The following FAT4 variants were observed in gnomAD, a reference collection of about 807,000 sequenced individuals.
FAT4 encodes the protein FAT atypical cadherin 4.
Under a neutral mutation model 303.9 loss-of-function variants are expected in FAT4, and 84 were observed. The ratio of observed to expected loss-of-function variants is 0.28; its 90% CI spans 0.23 to 0.33. The LOEUF (loss-of-function observed/expected upper bound fraction) is 0.33, where lower values mean the gene tolerates loss of function less well. Ranked by LOEUF, FAT4 falls within the 10% of genes least tolerant of loss-of-function variation. The pLI, the probability that FAT4 is intolerant of heterozygous loss-of-function variation, is 1.00. For synonymous variants in FAT4, 2,307 were observed against 2,298.8 expected (o/e 1.00, Z -0.10); for missense variants, 6,005 against 6,146.8 (o/e 0.98, Z 0.77).
At chr4:125,408,890 C>G (rs918251092) in intron 5 of FAT4, 96 bp downstream of exon 5, 29 of 634,474 alleles carry the variant, frequency 4.6e-5, no homozygotes, top group Non-Finnish European at 6.6e-5. Flanking sequence ...CACAAAAATG[C>G]ATTTTGTGAA....
rs11736643 is a variant in FAT4 at position 125,398,617 on chromosome 4, G to T, written c.5176-167G>T. 0.1 allele frequency among the ~76,000 whole-genome samples: 15,758 copies of T among 152,194 alleles called. 866 individuals carry two copies. Among genetic ancestry groups the T allele is most frequent in the Middle Eastern group, 0.18 (54 of 294 alleles). On this transcript the variant is annotated intron_variant, in intron 2 of 17. Coordinates refer to ENST00000394329, the MANE Select transcript of FAT4 (RefSeq NM_001291303.3). ...TTTCGACTTTATGTTTTCGTGTAAA[G>T]ATTTCACAACTTTTCCCTAGGGGTA...
chr4:125,315,855 G>A lies in FAT4; in HGVS notation c.-135G>A, dbSNP rs1487400164. 6.6e-6 allele frequency among the ~76,000 whole-genome samples: 1 copy of A among 152,192 alleles called. No homozygotes were observed. The highest frequency in any genetic ancestry group is 2.4e-5 in the African/African-American group (1 of 41,466). Reference sequence around the variant, plus strand: ...TGGTTTTTGAGGAGTGGGGACTCCAGGAATTCCATCGCCTCCAGCTTTTGG... The same window carrying A: ...TGGTTTTTGAGGAGTGGGGACTCCAAGAATTCCATCGCCTCCAGCTTTTGG... On this transcript the variant is annotated 5_prime_UTR_variant, in exon 1 of 18. Transcript: ENST00000394329.
intron 10 of FAT4, among the ~76,000 whole-genome samples, chr4:125,461,172 T>G (rs1726469581): frequency 6.6e-6 from 1 of 152,068 alleles, no homozygotes; most frequent in Non-Finnish European, 1.5e-5. Flanking sequence ...ATAGCCTGTA[T>G]TTTATATTTA....
chr4:125,479,715 ATTG>A, intron 14 of FAT4, 23 bp from the exon 15 acceptor site: 2 of 1,534,984 alleles, frequency 1.3e-6, no homozygotes, highest in Non-Finnish European at 1.8e-6. Context: ...TATGTGCGTT[ATTG>A]TTCTCATTAT....
chr4:125,413,849 T>G (rs1262771584), intron 5 of FAT4, among the ~76,000 whole-genome samples: 3 of 151,958 alleles, frequency 2.0e-5, no homozygotes, highest in Non-Finnish European at 4.4e-5. Flanking sequence ...GAAACCTGGA[T>G]AGTTGAAATT....
At chr4:125,389,340 A>T (rs764333498) in intron 2 of FAT4, among the ~76,000 whole-genome samples, 13 of 152,126 alleles carry the variant, frequency 8.5e-5, no homozygotes, top group Non-Finnish European at 1.8e-4. Context: ...CCATTATATC[A>T]TGTTTCTTGT....
chr4:125,427,167 G>A (rs962768498), intron 7 of FAT4, among the ~76,000 whole-genome samples: 1 of 151,216 alleles, frequency 6.6e-6, no homozygotes, highest in Non-Finnish European at 1.5e-5. Flanking sequence ...AAAATATTTG[G>A]TTATTATTAT....
At chr4:125,478,053 AG>A (rs1284406672) in intron 14 of FAT4, among the ~76,000 whole-genome samples, 2 of 152,152 alleles carry the variant, frequency 1.3e-5, no homozygotes, top group African/African-American at 2.4e-5. Flanking sequence ...TATACACTTT[AG>A]TTATTTCCAA....
At chr4:125,434,596 C>A (rs2126044429) in intron 8 of FAT4, among the ~76,000 whole-genome samples, 171 bp downstream of exon 8, 1 of 152,278 alleles carries the variant, frequency 6.6e-6, no homozygotes, top group Admixed American at 6.5e-5. Flanking sequence ...AAACAGTAAA[C>A]ATTTTACTTA....
intron 2 of FAT4, among the ~76,000 whole-genome samples, chr4:125,370,883 C>T (rs531509803): frequency 1.7e-3 from 261 of 152,206 alleles, no homozygotes; most frequent in African/African-American, 6.1e-3. Context: ...GGGTGGCTCA[C>T]GCCTGTAATC....
chr4:125,396,134 G>A (rs968495282), intron 2 of FAT4, among the ~76,000 whole-genome samples: 10 of 152,128 alleles, frequency 6.6e-5, no homozygotes, highest in Admixed American at 3.3e-4. Context: ...GACTGTGTAA[G>A]TTTTCTTTAC....
chr4:125,420,237 A>C (rs1735237125), intron 7 of FAT4, among the ~76,000 whole-genome samples: 1 of 152,176 alleles, frequency 6.6e-6, no homozygotes, highest in African/African-American at 2.4e-5. Flanking sequence ...GAGTATATAG[A>C]GTTTGTTTAC....
chr4:125,459,016 TATTA>T (rs1428568373), intron 10 of FAT4, among the ~76,000 whole-genome samples: 5 of 152,018 alleles, frequency 3.3e-5, no homozygotes, highest in Non-Finnish European at 5.9e-5. Flanking sequence ...AGCATATATT[TATTA>T]TAGAATTTCT....
Position 125,463,647 on chromosome 4 carries a change from A to C in FAT4, c.11885A>C (p.Tyr3962Ser). ...GGSCQSGVDS[Y>S]YCHCPFGVFG... The stretch of plus-strand genomic sequence containing the variant: ...TCCTGCCAAAGTGGTGTGGATTCTT[A>C]TTATTGTCATTGTCCATTTGGTGAG... Residue 3962 changes from tyrosine to serine, a missense_variant, in exon 11 of 18, where the codon TAT becomes TCT. Coordinates refer to ENST00000394329, the MANE Select transcript of FAT4 (RefSeq NM_001291303.3). The C allele has an allele frequency of 6.3e-7, 1 of 1,582,664 alleles. No homozygotes were observed. Among genetic ancestry groups the C allele is most frequent in the Non-Finnish European group, 8.6e-7 (1 of 1,160,268 alleles).
intron 16 of FAT4, 140 bp downstream of exon 16, chr4:125,481,878 A>C: frequency 5.7e-6 from 4 of 704,142 alleles, no homozygotes; most frequent in African/African-American, 1.8e-5. Context: ...TTCCAATGTC[A>C]TCTATCTTAA....
chr4:125,457,849 C>T (rs1308021249), intron 10 of FAT4, among the ~76,000 whole-genome samples: 1 of 151,910 alleles, frequency 6.6e-6, no homozygotes, highest in Admixed American at 6.6e-5. Flanking sequence ...AAAACTTTAG[C>T]CTAATAACGA....
intron 10 of FAT4, among the ~76,000 whole-genome samples, chr4:125,454,018 A>G (rs1048010282): frequency 2.6e-5 from 4 of 152,202 alleles, no homozygotes; most frequent in African/African-American, 9.7e-5. Flanking sequence ...GATAAGTTCG[A>G]GGAGAGCAAA....
At chr4:125,445,709 C>T (rs952331947) in intron 8 of FAT4, among the ~76,000 whole-genome samples, 1 of 152,016 alleles carries the variant, frequency 6.6e-6, no homozygotes, top group Non-Finnish European at 1.5e-5. Context: ...GATGTCATAC[C>T]TCTCCTGACA....
intron 2 of FAT4, among the ~76,000 whole-genome samples, chr4:125,392,779 G>T (rs951402916): frequency 6.6e-6 from 1 of 152,038 alleles, no homozygotes; most frequent in South Asian, 2.1e-4. Flanking sequence ...TTATTTTCTT[G>T]TTGACATAAA....
Sources: gnomAD v4.1 joint callset for allele counts (sites outside exome capture counted in the v4.1 genomes callset) on GRCh38, gnomAD v4.1.1 for gene constraint, MANE v1.5 for transcripts, NCBI Gene and HGNC (gene_info 2026-07-23, HGNC 2026-07-21) for gene names.